MALT1: variants seen among roughly 807,000 people sequenced by gnomAD.
The protein encoded by MALT1 is mucosa-associated lymphoid tissue lymphoma translocation protein 1.
In MALT1, 36 loss-of-function variants were observed where a neutral mutation model predicts 85.5. The observed-to-expected ratio is 0.42, with a 90% CI of 0.32 to 0.56. MALT1 has a LOEUF of 0.56. Ranked by LOEUF, MALT1 falls within the 20% of genes least tolerant of loss-of-function variation. MALT1 has a pLI of 0.10. For synonymous variants in MALT1, 359 were observed against 361.3 expected (o/e 0.99, Z 0.07); for missense variants, 716 against 981.6 (o/e 0.73, Z 3.62).
chr18:58,687,957 G>C (rs949335130), intron 2 of MALT1, among the ~76,000 whole-genome samples: 10 of 152,334 alleles, frequency 6.6e-5, no homozygotes, highest in African/African-American at 1.2e-4. Flanking sequence ...CTTCTTTGTA[G>C]ATGTTATCTG....
chr18:58,727,636 T>G (rs1172616314), intron 10 of MALT1, among the ~76,000 whole-genome samples: 2 of 150,408 alleles, frequency 1.3e-5, no homozygotes, highest in African/African-American at 4.9e-5. Flanking sequence ...TTGTTTTTTT[T>G]TTTTTTGAGG....
chr18:58,740,556 A>C (rs2055288231), intron 13 of MALT1, among the ~76,000 whole-genome samples: 1 of 152,020 alleles, frequency 6.6e-6, no homozygotes, highest in African/African-American at 2.4e-5. Context: ...TTAATTTTCA[A>C]ATATGGCAGG....
chr18:58,742,667 T>C (rs2055317453), intron 14 of MALT1, among the ~76,000 whole-genome samples: 1 of 152,144 alleles, frequency 6.6e-6, no homozygotes, highest in Admixed American at 6.5e-5. Flanking sequence ...GAGCAGAGAT[T>C]GTCCCACTGC....
At chr18:58,724,786 A>C (rs1381404721) in intron 10 of MALT1, among the ~76,000 whole-genome samples, 9 of 152,126 alleles carry the variant, frequency 5.9e-5, no homozygotes, top group Admixed American at 5.9e-4. Context: ...AGGTGGGTGG[A>C]TCACTTGAGC....
Position 58,709,445 on chromosome 18 carries a change from G to A in MALT1, c.717G>A (p.Met239Ile). 6.2e-7 allele frequency: 1 copy of A among 1,612,572 alleles called. No homozygotes were observed. Among genetic ancestry groups the A allele is most frequent in the South Asian group, 1.1e-5 (1 of 90,878 alleles). The change falls in exon 5 of 17, where the codon ATG becomes ATA. Residue 239 changes from methionine to isoleucine, a missense_variant. Physicochemically the swap from Met to Ile is conservative, Grantham distance 10. Coordinates refer to ENST00000649217, the MANE Select transcript of MALT1 (RefSeq NM_006785.4). ...TTGAACCAACTTCCCAAAAGCTGAT[G>A]CCAGGCAGCACATTGGTTTTACAGT... is the stretch of plus-strand genomic sequence containing the variant. ...ICVEPTSQKL[M>I]PGSTLVLQCV...
In MALT1 at chr18:58,744,483, T is replaced by A. The variant is rs963207538; in HGVS notation, c.1899T>A (p.Thr633=). 3.1e-6 allele frequency: 5 copies of A among 1,599,144 alleles called. No homozygotes were observed. The highest frequency in any genetic ancestry group is 4.3e-6 in the Non-Finnish European group (5 of 1,172,292). The change falls in exon 15 of 17, where the codon ACT becomes ACA. Residue 633 remains threonine, a synonymous_variant. Transcript: ENST00000649217. ...TAATAATGTGTGATGCCTACGTTAC[T>A]GATTTTCCACTTGTGAGTCTCTTCT... The part of the protein sequence containing the change: ...PEIIMCDAYV[T]DFPLDLDIDP...
chr18:58,712,525 A>AT (rs1267137416), intron 7 of MALT1, among the ~76,000 whole-genome samples: 1 of 152,188 alleles, frequency 6.6e-6, no homozygotes, highest in African/African-American at 2.4e-5. Flanking sequence ...TAGAGAGTAG[A>AT]TTGAGACTGG....
intron 1 of MALT1, among the ~76,000 whole-genome samples, chr18:58,679,422 T>C (rs2054287912): frequency 6.6e-6 from 1 of 152,268 alleles, no homozygotes; most frequent in Non-Finnish European, 1.5e-5. Flanking sequence ...CATTTGTGAA[T>C]ATGTGAATGA....
chr18:58,720,203 ACT>A (rs779281423), intron 9 of MALT1, among the ~76,000 whole-genome samples: 1 of 151,248 alleles, frequency 6.6e-6, no homozygotes, highest in Admixed American at 6.6e-5. Flanking sequence ...CTACAGAAAA[ACT>A]CTTTCATTTA....
At position 58,700,558 on chromosome 18, in the gene MALT1, C is replaced by A; in HGVS notation, c.616C>A (p.Leu206Met). The A allele has an allele frequency of 6.2e-7, 1 of 1,610,640 alleles. No homozygotes were observed. The highest frequency in any genetic ancestry group is 1.1e-5 in the South Asian group (1 of 90,270). The change falls in exon 4 of 17, where the codon CTG becomes ATG. Residue 206 changes from leucine to methionine, a missense_variant. Leu to Met is a conservative substitution (Grantham distance 15). Around this residue, in one of 4 missense-constraint regions of MALT1, gnomAD observed 290 missense variants for 380.5 expected, o/e 0.76. Transcript: ENST00000649217. ...FTFEFSQWSQ[L>M]DVCDIPESFQ... Reference sequence around the variant, plus strand: ...CTTTGAATTCAGCCAGTGGTCACAGCTGGATGTTTGCGACATCCCAGAGAG... The same window carrying A: ...CTTTGAATTCAGCCAGTGGTCACAGATGGATGTTTGCGACATCCCAGAGAG...
intron 2 of MALT1, among the ~76,000 whole-genome samples, chr18:58,686,631 G>T (rs1341667461): frequency 1.3e-5 from 2 of 152,180 alleles, no homozygotes; most frequent in Non-Finnish European, 2.9e-5. Flanking sequence ...GCAGGGTCAT[G>T]TGCCATCTTT....
At chr18:58,709,840 T>A (rs2054807272) in intron 5 of MALT1, 136 bp from the exon 6 acceptor site, 1 of 630,520 alleles carries the variant, frequency 1.6e-6, no homozygotes, top group Non-Finnish European at 2.8e-6. Context: ...ACCTGATGAA[T>A]GGAGCTAATG....
rs933450020 is a variant in MALT1 at position 58,749,201 on chromosome 18, T to C, written c.*1359T>C. Reference sequence around the variant, plus strand: ...TCTCCCATAAACACTGAATTAAATATGGAACAACTGCTTTTAGGAGAAAGT... The same window carrying C: ...TCTCCCATAAACACTGAATTAAATACGGAACAACTGCTTTTAGGAGAAAGT... On this transcript the variant is annotated 3_prime_UTR_variant, in exon 17 of 17. Coordinates refer to ENST00000649217, the MANE Select transcript of MALT1 (RefSeq NM_006785.4). 3 of 217,068 alleles carry C rather than the reference T, an allele frequency of 1.4e-5. No individual in the cohort carries two copies. The highest frequency in any genetic ancestry group is 1.9e-5 in the Non-Finnish European group (2 of 108,056). The allele number at this position is 217,068 out of a possible 1,614,324, so 13.4% of individuals were successfully genotyped here.
At chr18:58,678,271 C>T (rs1342385264) in intron 1 of MALT1, among the ~76,000 whole-genome samples, 1 of 152,178 alleles carries the variant, frequency 6.6e-6, no homozygotes, top group Non-Finnish European at 1.5e-5. Flanking sequence ...ATTAATATTT[C>T]AAGCAATAAA....
intron 9 of MALT1, among the ~76,000 whole-genome samples, chr18:58,722,161 T>TA (rs1269518794): frequency 1.3e-5 from 2 of 152,068 alleles, no homozygotes; most frequent in Non-Finnish European, 2.9e-5. Flanking sequence ...CTTGAGTTTT[T>TA]AACCATTGAC....
intron 3 of MALT1, among the ~76,000 whole-genome samples, chr18:58,699,943 T>G (rs1444493704): frequency 1.3e-5 from 2 of 152,222 alleles, no homozygotes; most frequent in Non-Finnish European, 1.5e-5. Flanking sequence ...TTAAGGAGTT[T>G]ATCCTCTTAC....
chr18:58,679,412 C>T (rs534861940), intron 1 of MALT1, among the ~76,000 whole-genome samples: 1 of 152,376 alleles, frequency 6.6e-6, no homozygotes, highest in South Asian at 2.1e-4. Context: ...CTGCCATAGA[C>T]ATTTGTGAAT....
chr18:58,673,700 C>T (rs983656830), intron 1 of MALT1, among the ~76,000 whole-genome samples: 3 of 152,292 alleles, frequency 2.0e-5, no homozygotes, highest in Middle Eastern at 3.4e-3. Context: ...CCAGCCGCCT[C>T]AGTCTTCCAA....
rs111542530 is a variant in MALT1 at position 58,742,676 on chromosome 18, G to A, written c.1753+662G>A. Among the ~76,000 whole-genome samples, 1,075 of 152,318 alleles carry A rather than the reference G, an allele frequency of 7.1e-3. 15 individuals are homozygous for A. The highest frequency in any genetic ancestry group is 0.025 in the African/African-American group (1,026 of 41,556). ...TGCAGTGAGCAGAGATTGTCCCACT[G>A]CACTCCAGTCTGGGCGACAGAGCGA... On this transcript the variant is annotated intron_variant, in intron 14 of 16. Transcript: ENST00000649217.
Sources: allele counts gnomAD v4.1 joint callset (sites outside exome capture counted in the v4.1 genomes callset), GRCh38; gene constraint gnomAD v4.1.1; regional missense constraint gnomAD v4.1.1; transcripts MANE v1.5; gene names NCBI Gene and HGNC (gene_info 2026-07-23, HGNC 2026-07-21).